Variants in GRID1 observed in about 807,000 individuals in gnomAD.
The protein encoded by GRID1 is glutamate receptor ionotropic, delta-1.
A neutral mutation model predicts 98.0 loss-of-function variants in GRID1; 28 were observed. That is an observed-to-expected ratio of 0.29 (90% confidence interval 0.21 to 0.39). The LOEUF (loss-of-function observed/expected upper bound fraction) is 0.39. Ranked by LOEUF, GRID1 falls within the 10% of genes least tolerant of loss-of-function variation. The pLI is 1.00. For missense variants in GRID1, 1,111 were observed against 1,340.5 expected (o/e 0.83, Z 2.67); for synonymous variants, 553 against 538.5 (o/e 1.03, Z -0.37).
chr10:85,768,991 C>T (rs1016488328), intron 8 of GRID1, among the ~76,000 whole-genome samples: 13 of 152,074 alleles, frequency 8.5e-5, no homozygotes, highest in Admixed American at 1.3e-4. Flanking sequence ...GCTTAAATGT[C>T]CATCAATTGG....
At chr10:85,961,539 C>T (rs1164145925) in intron 4 of GRID1, among the ~76,000 whole-genome samples, 1 of 151,948 alleles carries the variant, frequency 6.6e-6, no homozygotes, top group Non-Finnish European at 1.5e-5. Context: ...TTCCTTCCTC[C>T]CTTCCTTCTT....
intron 2 of GRID1, among the ~76,000 whole-genome samples, chr10:86,221,617 G>A (rs77583415): frequency 0.051 from 7,791 of 152,260 alleles, 310 homozygotes; most frequent in Admixed American, 0.094. Context: ...AGAGAAAGAG[G>A]ACAACCCAGG....
chr10:86,358,858 C>T (rs1848566508), intron 2 of GRID1, among the ~76,000 whole-genome samples: 1 of 151,318 alleles, frequency 6.6e-6, no homozygotes, highest in South Asian at 2.1e-4. Flanking sequence ...GCAGAAGAGT[C>T]AGAGAAGGAG....
At chr10:86,287,697 C>A (rs149879186) in intron 2 of GRID1, among the ~76,000 whole-genome samples, 121 of 152,104 alleles carry the variant, frequency 8.0e-4, no homozygotes, top group Admixed American at 5.8e-3. Flanking sequence ...CCAGCACAGC[C>A]GTTGCACCTG....
chr10:86,308,943 T>G (rs1284311447), intron 2 of GRID1, among the ~76,000 whole-genome samples: 1 of 152,212 alleles, frequency 6.6e-6, no homozygotes, highest in South Asian at 2.1e-4. Context: ...TCTCACTTCT[T>G]AACACCATCA....
chr10:85,966,487 A>G (rs1179852585), intron 4 of GRID1, among the ~76,000 whole-genome samples: 1 of 152,132 alleles, frequency 6.6e-6, no homozygotes, highest in African/African-American at 2.4e-5. Flanking sequence ...AACCCCCAGG[A>G]AAGGGTAAAA....
chr10:86,314,305 G>T (rs1847869944), intron 2 of GRID1, among the ~76,000 whole-genome samples: 1 of 152,222 alleles, frequency 6.6e-6, no homozygotes, highest in Admixed American at 6.5e-5. Context: ...CATGAGCATG[G>T]ATGGGACAGG....
chr10:85,647,485 C>T, intron 12 of GRID1, 88 bp from the exon 13 acceptor site: 1 of 1,018,014 alleles, frequency 9.8e-7, no homozygotes, highest in African/African-American at 1.6e-5. Context: ...CCCTTCTGAA[C>T]TCCAAGCCCG....
intron 2 of GRID1, among the ~76,000 whole-genome samples, chr10:86,285,581 G>T (rs80148305): frequency 0.019 from 2,921 of 152,294 alleles, 32 homozygotes; most frequent in Non-Finnish European, 0.028. Context: ...CACCTGGCCT[G>T]CAGTAATAAT....
At chr10:85,646,646 T>C (rs1355482373) in intron 13 of GRID1, 1 of 157,766 alleles carries the variant, frequency 6.3e-6, no homozygotes. Context: ...TCTTCCCATC[T>C]GGCCTCCTAA....
rs576978012 is a variant in GRID1, at chr10:86,203,148, GA to G, written c.520+3215del. On this transcript the variant is annotated intron_variant, in intron 3 of 15. Transcript: ENST00000327946. ...ATAAAGGTACTTGCAGATCAGCATT[GA>G]AAAAAAGTTGCTATATTTCCAAACC... Among the ~76,000 whole-genome samples the G allele has an allele frequency of 5.4e-4, 82 of 152,238 alleles. 1 individual carries two copies. In the Middle Eastern group the frequency reaches 0.014, roughly 25 times the overall value.
At chr10:85,894,488 G>A (rs948428209) in intron 5 of GRID1, among the ~76,000 whole-genome samples, 3 of 152,248 alleles carry the variant, frequency 2.0e-5, no homozygotes, top group Admixed American at 6.5e-5. Flanking sequence ...ATTAGGTAGA[G>A]GTAGAAATTA....
intron 4 of GRID1, among the ~76,000 whole-genome samples, chr10:85,986,835 T>C (rs1428108024): frequency 3.3e-5 from 5 of 152,188 alleles, no homozygotes; most frequent in Non-Finnish European, 1.5e-5. Context: ...AGCTTCCTTC[T>C]CTTATGAAAC....
rs1255225621 is a variant in GRID1, at chr10:86,192,459, C to T, written c.520+13905G>A. On this transcript the variant is annotated intron_variant, in intron 3 of 15. Transcript: ENST00000327946. This position sits in a 1 kb window ranked among gnomAD's most constrained non-coding sequence, Gnocchi z 4.8. ...TCAAGGAACAAATACGGTACGAGTCCACTTATATGAGGCCCCTAGAATAGT... is the reference window on the plus strand; with the variant it reads ...TCAAGGAACAAATACGGTACGAGTCTACTTATATGAGGCCCCTAGAATAGT... Among the ~76,000 whole-genome samples the T allele has an allele frequency of 6.6e-6, 1 of 151,896 alleles. No homozygotes were observed. The highest frequency in any genetic ancestry group is 1.5e-5 in the Non-Finnish European group (1 of 67,990).
intron 3 of GRID1, among the ~76,000 whole-genome samples, chr10:86,159,487 C>T (rs1404387288): frequency 6.6e-6 from 1 of 152,190 alleles, no homozygotes; most frequent in Non-Finnish European, 1.5e-5. Context: ...GGTTTGTAGC[C>T]TAGGAGCAAT....
At chr10:85,654,735 C>A (rs1431002513) in intron 12 of GRID1, among the ~76,000 whole-genome samples, 1 of 152,196 alleles carries the variant, frequency 6.6e-6, no homozygotes, top group Non-Finnish European at 1.5e-5. Flanking sequence ...GAGGCCATCC[C>A]AGGCACTCAG....
chr10:86,234,319 T>C (rs942001872), intron 2 of GRID1, among the ~76,000 whole-genome samples: 2 of 152,160 alleles, frequency 1.3e-5, no homozygotes, highest in African/African-American at 2.4e-5. Context: ...CTAATCCCTA[T>C]ACAGGCAGCA....
intron 2 of GRID1, among the ~76,000 whole-genome samples, chr10:86,255,561 C>T (rs1846904400): frequency 6.6e-6 from 1 of 152,200 alleles, no homozygotes; most frequent in Non-Finnish European, 1.5e-5. Flanking sequence ...GCACCTGTGG[C>T]TCGGGTCACC....
At chr10:85,697,427 C>A (rs1381248570) in intron 12 of GRID1, among the ~76,000 whole-genome samples, 1 of 152,078 alleles carries the variant, frequency 6.6e-6, no homozygotes, top group Non-Finnish European at 1.5e-5. Flanking sequence ...ATTGATATAG[C>A]CTCACCAGCT....
Sources: allele counts gnomAD v4.1 joint callset (sites outside exome capture counted in the v4.1 genomes callset), GRCh38; gene constraint gnomAD v4.1.1; non-coding constraint Gnocchi (gnomAD v3.1); transcripts MANE v1.5; gene names NCBI Gene and HGNC (gene_info 2026-07-23, HGNC 2026-07-21).